SFT2D2: variants seen among roughly 807,000 people sequenced by gnomAD.
The protein encoded by SFT2D2 is vesicle transport protein SFT2B.
In SFT2D2, 21 loss-of-function variants were observed where a neutral mutation model predicts 27.4. The ratio of observed to expected loss-of-function variants is 0.77; its 90% confidence interval spans 0.54 to 1.10. SFT2D2 has a LOEUF of 1.10. Among genes scored for constraint, SFT2D2 ranks in the 50% least tolerant of loss-of-function variants. The probability of loss-of-function intolerance (pLI) is 0.00; values close to 1 mark genes in which losing one functional copy is unlikely to be tolerated. For synonymous variants in SFT2D2, 72 were observed against 71.7 expected (o/e 1.00, Z -0.02); for missense variants, 187 against 194.2 (o/e 0.96, Z 0.22).
chr1:168,233,406 ACT>A (rs1647382396), intron 3 of SFT2D2, among the ~76,000 whole-genome samples: 1 of 152,058 alleles, frequency 6.6e-6, no homozygotes, highest in Admixed American at 6.5e-5. Context: ...ATTTTATTAC[ACT>A]GACTTGTTAG....
At position 168,245,290 on chromosome 1, in the gene SFT2D2, A is replaced by C. The variant is rs928763648; in HGVS notation, c.*2750A>C. On this transcript the variant is annotated 3_prime_UTR_variant, in exon 8 of 8. Coordinates refer to ENST00000271375, the MANE Select transcript of SFT2D2 (RefSeq NM_199344.3). Reference sequence around the variant, plus strand: ...GATATATAATTGATATACACAAATCAATTGTGTTTCTCCATGTTAGAAGTA... The same window carrying C: ...GATATATAATTGATATACACAAATCCATTGTGTTTCTCCATGTTAGAAGTA... The C allele has an allele frequency of 2.6e-5, 4 of 152,270 alleles. No homozygotes were observed. The highest frequency in any genetic ancestry group is 9.6e-5 in the African/African-American group (4 of 41,474). The allele number at this position is 152,270 out of a possible 1,614,324, so 9.4% of individuals were successfully genotyped here.
intron 2 of SFT2D2, 56 bp downstream of exon 2, chr1:168,231,656 C>A (rs2102328882): frequency 6.4e-7 from 1 of 1,556,178 alleles, no homozygotes; most frequent in African/African-American, 1.4e-5. Context: ...GCTATATATT[C>A]CCCCTTTTGT....
In SFT2D2 at chr1:168,231,603, A is replaced by T; in HGVS notation, c.150+3A>T. ...TAGGAATTCTCTGCTCACTGCTGGTAAGATTTCCCTTCCTCCTCTGTCTTT... is the reference window on the plus strand; with the variant it reads ...TAGGAATTCTCTGCTCACTGCTGGTTAGATTTCCCTTCCTCCTCTGTCTTT... On this transcript the variant is annotated splice_donor_region_variant and intron_variant, in intron 2 of 7. Transcript: ENST00000271375. The T allele has an allele frequency of 6.2e-7, 1 of 1,613,154 alleles. No individual in the cohort carries two copies. The highest frequency in any genetic ancestry group is 8.5e-7 in the Non-Finnish European group (1 of 1,179,376).
intron 6 of SFT2D2, among the ~76,000 whole-genome samples, chr1:168,238,317 C>T (rs1647558482): frequency 1.3e-5 from 2 of 151,650 alleles, no homozygotes; most frequent in Non-Finnish European, 2.9e-5. Context: ...AAATTTATCC[C>T]AATTAGGTAG....
At chr1:168,234,262 C>G (rs1003436603) in intron 3 of SFT2D2, among the ~76,000 whole-genome samples, 23 of 151,966 alleles carry the variant, frequency 1.5e-4, no homozygotes, top group Admixed American at 1.5e-3. Flanking sequence ...GGTGTGGTGG[C>G]GTGTGCCTGT....
At chr1:168,234,968 C>T in intron 3 of SFT2D2, 133 bp from the exon 4 acceptor site, 14 of 776,058 alleles carry the variant, frequency 1.8e-5, no homozygotes, top group South Asian at 1.7e-4. Context: ...GCACGAAAGG[C>T]CCTTCAGCAC....
At chr1:168,231,796 G>A in intron 2 of SFT2D2, 38 bp from the exon 3 acceptor site, 2 of 1,599,890 alleles carry the variant, frequency 1.3e-6, no homozygotes, top group Non-Finnish European at 1.7e-6. Flanking sequence ...CCGGGTGGGA[G>A]GGTTGCTCAT....
chr1:168,250,071 C>G lies in SFT2D2; in HGVS notation c.*7531C>G, dbSNP rs1647916725. 6.6e-6 allele frequency: 1 copy of G among 152,160 alleles called. No individual in the cohort carries two copies. Among genetic ancestry groups the G allele is most frequent in the Admixed American group, 6.5e-5 (1 of 15,280 alleles). 9.4% of individuals were successfully genotyped at this position (152,160 alleles called of 1,614,324 possible). ...TCCCAGACCCCACGAGTGGAGGCGT[C>G]AGGGAGGGGTTCTTGGCAGGAGATG... On this transcript the variant is annotated 3_prime_UTR_variant, in exon 8 of 8. Coordinates refer to ENST00000271375, the MANE Select transcript of SFT2D2 (RefSeq NM_199344.3).
rs1647937357 is a variant in SFT2D2 at position 168,250,977 on chromosome 1, CAAGA to C, written c.*8440_*8443del. ...CCCTAATCACTGCAGGCTCAGGGAG[CAAGA>C]AATAAAATCATGAAATGCATTCCAA... is the stretch of plus-strand genomic sequence containing the variant. On this transcript the variant is annotated 3_prime_UTR_variant, in exon 8 of 8. Transcript: ENST00000271375. The C allele has an allele frequency of 6.6e-6, 1 of 152,214 alleles. No individual in the cohort carries two copies. Among genetic ancestry groups the C allele is most frequent in the Non-Finnish European group, 1.5e-5 (1 of 68,110 alleles). 9.4% of individuals were successfully genotyped at this position (152,214 alleles called of 1,614,324 possible).
At chr1:168,242,264 T>C (rs1293262459) in intron 7 of SFT2D2, among the ~76,000 whole-genome samples, 1 of 152,228 alleles carries the variant, frequency 6.6e-6, no homozygotes, top group Non-Finnish European at 1.5e-5. Context: ...ATAATCAGAC[T>C]GTCGGGTAAG....
At position 168,246,068 on chromosome 1, in the gene SFT2D2, T is replaced by A; in HGVS notation, c.*3528T>A. ...CCAGCAAAGCTTTTGTTGTTGATTG[T>A]TTAGGACGTCACCCTGTTTTTGTTG... On this transcript the variant is annotated 3_prime_UTR_variant, in exon 8 of 8. Transcript: ENST00000271375. 1 of 235,440 alleles carries A rather than the reference T, an allele frequency of 4.2e-6. No individual in the cohort carries two copies. Among genetic ancestry groups the A allele is most frequent in the Non-Finnish European group, 8.5e-6 (1 of 118,280 alleles). The allele number at this position is 235,440 out of a possible 1,614,324, so 14.6% of individuals were successfully genotyped here.
At chr1:168,235,337 C>CTT (rs575312539) in intron 4 of SFT2D2, among the ~76,000 whole-genome samples, 155 bp downstream of exon 4, 2 of 152,158 alleles carry the variant, frequency 1.3e-5, no homozygotes, top group African/African-American at 4.8e-5. Context: ...AGGGAACACT[C>CTT]TAAGTAATAC....
At chr1:168,240,066 T>C (rs1280206851) in intron 7 of SFT2D2, among the ~76,000 whole-genome samples, 1 of 151,446 alleles carries the variant, frequency 6.6e-6, no homozygotes, top group Non-Finnish European at 1.5e-5. Flanking sequence ...TCGAAGCTAC[T>C]TGGGAGGCTG....
chr1:168,246,535 C>G lies in SFT2D2; in HGVS notation c.*3995C>G. The G allele has an allele frequency of 6.7e-7, 1 of 1,502,002 alleles. No homozygotes were observed. 93.0% of individuals were successfully genotyped at this position (1,502,002 alleles called of 1,614,324 possible). A position where few individuals can be genotyped will look rare whatever the true frequency, so the allele number is the denominator to read the frequency against. ...CTCAGTTTTGAGGCACCTGGACTTACTCTCAGCTTTAGAAAGTTGCTGAGA... is the reference window on the plus strand; with the variant it reads ...CTCAGTTTTGAGGCACCTGGACTTAGTCTCAGCTTTAGAAAGTTGCTGAGA... On this transcript the variant is annotated 3_prime_UTR_variant, in exon 8 of 8. Transcript: ENST00000271375.
chr1:168,234,710 T>G (rs1320054461), intron 3 of SFT2D2, among the ~76,000 whole-genome samples: 1 of 152,218 alleles, frequency 6.6e-6, no homozygotes, highest in Non-Finnish European at 1.5e-5. Context: ...GGTTTTTCTT[T>G]AAACTTCCTG....
At chr1:168,236,867 A>G in intron 6 of SFT2D2, 97 bp downstream of exon 6, 2 of 1,365,058 alleles carry the variant, frequency 1.5e-6, no homozygotes, top group South Asian at 2.4e-5. Context: ...AGAATTAAGA[A>G]AACACAGAAG....
At position 168,247,866 on chromosome 1, in the gene SFT2D2, C is replaced by G. The variant is rs1647862155; in HGVS notation, c.*5326C>G. The G allele has an allele frequency of 6.6e-6, 1 of 152,236 alleles. No homozygotes were observed. The highest frequency in any genetic ancestry group is 2.4e-5 in the African/African-American group (1 of 41,456). 9.4% of individuals were successfully genotyped at this position (152,236 alleles called of 1,614,324 possible). ...CACCATGCCACTTTTTAATGATTGC[C>G]ATTCTAACTGGCATGAGATGGCATC... On this transcript the variant is annotated 3_prime_UTR_variant, in exon 8 of 8. Transcript: ENST00000271375.
At chr1:168,241,807 A>T (rs556176882) in intron 7 of SFT2D2, among the ~76,000 whole-genome samples, 92 of 152,238 alleles carry the variant, frequency 6.0e-4, no homozygotes, top group African/African-American at 2.2e-3. Flanking sequence ...GTGCCTACTC[A>T]TGGAAATGCA....
chr1:168,245,871 C>T lies in SFT2D2; in HGVS notation c.*3331C>T, dbSNP rs1165270833. On this transcript the variant is annotated 3_prime_UTR_variant, in exon 8 of 8. Transcript: ENST00000271375. ...TGCTTTTTAATTGTATTTCTTAACA[C>T]TAGAATTTTCTATTTCAAGTTTTTG... 1 of 152,816 alleles carries T rather than the reference C, an allele frequency of 6.5e-6. No individual in the cohort carries two copies. Among genetic ancestry groups the T allele is most frequent in the Non-Finnish European group, 1.5e-5 (1 of 68,182 alleles). 9.5% of individuals were successfully genotyped at this position (152,816 alleles called of 1,614,324 possible).
Sources: allele counts gnomAD v4.1 joint callset (sites outside exome capture counted in the v4.1 genomes callset), GRCh38; gene constraint gnomAD v4.1.1; transcripts MANE v1.5; gene names NCBI Gene and HGNC (gene_info 2026-07-23, HGNC 2026-07-21).